The following HIRA variants were observed in gnomAD, a reference collection of about 807,000 sequenced individuals.
HIRA encodes protein HIRA.
A neutral mutation model predicts 126.6 loss-of-function variants in HIRA; 13 were observed. The ratio of observed to expected loss-of-function variants is 0.10; its 90% CI spans 0.07 to 0.16. The LOEUF is 0.16. Among genes scored for constraint, HIRA ranks in the 10% least tolerant of loss-of-function variants. The probability of loss-of-function intolerance (pLI) is 1.00; values close to 1 mark genes in which losing one functional copy is unlikely to be tolerated. For synonymous variants in HIRA, 511 were observed against 520.0 expected, an observed-to-expected ratio of 0.98 and a Z score of 0.24; for missense variants, 834 against 1,314.4, an observed-to-expected ratio of 0.63 and a Z score of 5.65.
chr22:19,356,214 C>T lies in HIRA; in HGVS notation c.2455+16G>A, dbSNP rs781940422. The T allele has an allele frequency of 1.2e-6, 2 of 1,612,144 alleles. No individual in the cohort carries two copies. The highest frequency in any genetic ancestry group is 2.2e-5 in the East Asian group (1 of 44,866). On this transcript the variant is annotated intron_variant, in intron 20 of 24. Transcript: ENST00000263208. Reference sequence around the variant, plus strand: ...GGGCCCCCAAAAGAGTAGGGACAGCCTGTTGCCTGCATTACCTGCCAGGAT... The same window carrying T: ...GGGCCCCCAAAAGAGTAGGGACAGCTTGTTGCCTGCATTACCTGCCAGGAT...
At chr22:19,415,897 A>C (rs1315238160) in intron 1 of HIRA, among the ~76,000 whole-genome samples, 20 of 152,230 alleles carry the variant, frequency 1.3e-4, no homozygotes, top group Non-Finnish European at 2.9e-4. Context: ...AATCGATCCC[A>C]AAATTCACAT....
intron 24 of HIRA, among the ~76,000 whole-genome samples, chr22:19,348,272 A>T (rs1556009531): frequency 6.6e-6 from 1 of 152,236 alleles, no homozygotes; most frequent in Non-Finnish European, 1.5e-5. Flanking sequence ...TTCAAATACT[A>T]TGTCCACCAG....
At chr22:19,378,413 A>G (rs1317246962) in intron 13 of HIRA, among the ~76,000 whole-genome samples, 1 of 152,258 alleles carries the variant, frequency 6.6e-6, no homozygotes, top group Non-Finnish European at 1.5e-5. Flanking sequence ...CCTCCCTTTC[A>G]TGAAGGGCCA....
Position 19,353,489 on chromosome 22 carries a change from G to A in HIRA, c.2715C>T (p.Ser905=), listed in dbSNP as rs782071445. 21 of 1,611,788 alleles carry A rather than the reference G, an allele frequency of 1.3e-5. No homozygotes were observed. Among genetic ancestry groups the A allele is most frequent in the Admixed American group, 1.2e-4 (7 of 59,960 alleles). ...NSGRQAARLF[S]VPHVVQQETT... ...TCTCTTGCTGCACCACATGAGGCAC[G>A]GAGAAGAGCCGGGCAGCCTGCCTTC... Residue 905 remains serine, a synonymous_variant, in exon 23 of 25, where the codon TCC becomes TCT. Transcript: ENST00000263208.
At chr22:19,358,375 G>A (rs782641161) in intron 18 of HIRA, among the ~76,000 whole-genome samples, 36 of 152,152 alleles carry the variant, frequency 2.4e-4, no homozygotes, top group Non-Finnish European at 4.0e-4. Context: ...GAGGTCCCAC[G>A]TGGTCCAGCA....
At chr22:19,331,687 G>A (rs1556004683) in intron 24 of HIRA, 131 bp from the exon 25 acceptor site, 16 of 838,180 alleles carry the variant, frequency 1.9e-5, no homozygotes, top group Non-Finnish European at 1.9e-6. Flanking sequence ...CTGCAGGTGA[G>A]AAACTGTGAG....
rs749848610 is a variant in HIRA at position 19,410,696 on chromosome 22, T to G, written c.100+20A>C. 2 of 1,599,458 alleles carry G rather than the reference T, an allele frequency of 1.3e-6. No homozygotes were observed. The highest frequency in any genetic ancestry group is 8.6e-7 in the Non-Finnish European group (1 of 1,167,186). On this transcript the variant is annotated intron_variant, in intron 2 of 24. Coordinates refer to ENST00000263208, the MANE Select transcript of HIRA (RefSeq NM_003325.4). ...TGGCAGGGCTGTTAAGCTTTCCCTT[T>G]CTTTATTCCATAAACATACCTTGTC...
intron 4 of HIRA, 126 bp downstream of exon 4, chr22:19,407,058 C>T: frequency 1.4e-6 from 1 of 740,180 alleles, no homozygotes. Context: ...CCTACATGCA[C>T]TTTCCACTAC....
At chr22:19,355,634 C>T in intron 21 of HIRA, 126 bp downstream of exon 21, 4 of 657,086 alleles carry the variant, frequency 6.1e-6, no homozygotes, top group South Asian at 5.4e-5. Context: ...ATGCAGCCTG[C>T]ACTCCAGGGC....
intron 3 of HIRA, among the ~76,000 whole-genome samples, chr22:19,408,208 C>T (rs549944683): frequency 5.3e-5 from 8 of 152,208 alleles, no homozygotes; most frequent in East Asian, 3.9e-4. Context: ...GTGTCCAGGT[C>T]GCTGGCCCCA....
intron 12 of HIRA, among the ~76,000 whole-genome samples, chr22:19,384,872 CG>C (rs1459008227): frequency 1.3e-5 from 2 of 151,136 alleles, no homozygotes; most frequent in Non-Finnish European, 2.9e-5. Flanking sequence ...CCAGGCTGGT[CG>C]GAACTCCTGA....
intron 24 of HIRA, among the ~76,000 whole-genome samples, chr22:19,345,717 G>A (rs1254660669): frequency 1.3e-5 from 2 of 152,198 alleles, no homozygotes; most frequent in African/African-American, 4.8e-5. Flanking sequence ...GTGGCCCAGA[G>A]GTTGGGGACC....
chr22:19,334,453 C>T (rs71313922), intron 24 of HIRA, among the ~76,000 whole-genome samples: 145,618 of 150,152 alleles, frequency 0.97, 70,694 homozygotes, highest in African/African-American at 0.99. Context: ...GAGTTCGAGA[C>T]CAGTCTGGCC....
chr22:19,386,856 C>A (rs578016186), intron 11 of HIRA, among the ~76,000 whole-genome samples: 1 of 152,334 alleles, frequency 6.6e-6, no homozygotes, highest in Non-Finnish European at 1.5e-5. Flanking sequence ...GGGTGGCAGG[C>A]CCCATTCTAA....
intron 1 of HIRA, among the ~76,000 whole-genome samples, chr22:19,428,729 T>C (rs2089507531): frequency 6.6e-6 from 1 of 152,160 alleles, no homozygotes; most frequent in Non-Finnish European, 1.5e-5. Flanking sequence ...GGAAGATCCC[T>C]TGAGCCCAGG....
Position 19,410,732 on chromosome 22 carries a change from G to A in HIRA, c.84C>T (p.Phe28=), listed in dbSNP as rs1468197838. 3.7e-6 allele frequency: 6 copies of A among 1,613,648 alleles called. 1 individual carries two copies. In the African/African-American group the frequency reaches 4.0e-5, roughly 11 times the overall value. ...TAAACATACCTTGTCCTCCAGTTGC[G>A]AACTTGGTCCCGTCAGGGTGAATAT... ...SVDIHPDGTK[F]ATGGQGQDSG... Residue 28 remains phenylalanine (F), a synonymous_variant, in exon 2 of 25, where the codon TTC becomes TTT. Transcript: ENST00000263208.
chr22:19,356,626 G>A (rs1240013722), intron 19 of HIRA, among the ~76,000 whole-genome samples: 2 of 152,212 alleles, frequency 1.3e-5, no homozygotes, highest in Non-Finnish European at 2.9e-5. Context: ...TAGGACCCTG[G>A]CAGTGCAACT....
intron 13 of HIRA, among the ~76,000 whole-genome samples, chr22:19,379,621 C>T (rs886242938): frequency 2.1e-5 from 3 of 146,340 alleles, no homozygotes; most frequent in South Asian, 2.2e-4. Context: ...TGAGACTTCG[C>T]CTCAATTAAA....
In HIRA at chr22:19,359,132, G is replaced by A. The variant is rs190214686; in HGVS notation, c.2234+204C>T. Among the ~76,000 whole-genome samples, 24 of 152,184 alleles carry A rather than the reference G, an allele frequency of 1.6e-4. No homozygotes were observed. The East Asian group carries it at 4.3e-3, about 27-fold the overall frequency. Reference sequence around the variant, plus strand: ...GGCTCAGTTTCCCCATCTGTAACACGGGGATACTGATGCTGACCTTGCTGG... The same window carrying A: ...GGCTCAGTTTCCCCATCTGTAACACAGGGATACTGATGCTGACCTTGCTGG... On this transcript the variant is annotated intron_variant, in intron 18 of 24. Transcript: ENST00000263208.
Sources: gnomAD v4.1 joint callset for allele counts (sites outside exome capture counted in the v4.1 genomes callset) on GRCh38, gnomAD v4.1.1 for gene constraint, MANE v1.5 for transcripts, NCBI Gene and HGNC (gene_info 2026-07-23, HGNC 2026-07-21) for gene names.